The following RPLP1 variants were observed in gnomAD, a reference collection of about 807,000 sequenced individuals.
RPLP1 encodes the protein ribosomal protein lateral stalk subunit P1.
A neutral mutation model predicts 11.6 loss-of-function variants in RPLP1; 4 were observed. The observed-to-expected ratio is 0.34, with a 90% CI of 0.17 to 0.79. The LOEUF is 0.79. RPLP1 is among the 30% of genes least tolerant of loss of function. The pLI, the probability that RPLP1 is intolerant of heterozygous loss-of-function variation, is 0.55. For missense variants in RPLP1, 133 were observed against 142.8 expected, an observed-to-expected ratio of 0.93 and a Z score of 0.35; for synonymous variants, 54 against 52.2, an observed-to-expected ratio of 1.03 and a Z score of -0.15.
At chr15:69,453,759 G>C (rs1304773942) in intron 2 of RPLP1, 38 bp downstream of exon 2, 4 of 1,609,464 alleles carry the variant, frequency 2.5e-6, no homozygotes, top group Non-Finnish European at 3.4e-6. Context: ...GGTAAGGCCT[G>C]CTGATTTACG....
chr15:69,453,583 T>C (rs1269124739), intron 1 of RPLP1, 64 bp from the exon 2 acceptor site: 15 of 1,514,794 alleles, frequency 9.9e-6, no homozygotes, highest in Non-Finnish European at 1.4e-5. Context: ...TTGAGTGACG[T>C]GCAGCATTTT....
chr15:69,455,215 G>T lies in RPLP1; in HGVS notation c.193G>T (p.Ala65Ser). 6.2e-7 allele frequency: 1 copy of T among 1,607,272 alleles called. No individual in the cohort carries two copies. Among genetic ancestry groups the T allele is most frequent in the Non-Finnish European group, 8.5e-7 (1 of 1,177,106 alleles). The stretch of plus-strand genomic sequence containing the variant: ...TGGGAGCCTCATCTGCAATGTAGGG[G>T]CCGGTGGACCTGCTCCAGCAGCTGG... ...NIGSLICNVG[A>S]GGPAPAAGAA... Residue 65 changes from alanine to serine, a missense_variant, in exon 3 of 4, where the codon GCC becomes TCC. Transcript: ENST00000260379.
rs530953244 is a variant in RPLP1 at position 69,452,890 on chromosome 15, C to T, written c.-59C>T. On this transcript the variant is annotated 5_prime_UTR_variant, in exon 1 of 4. Coordinates refer to ENST00000260379, the MANE Select transcript of RPLP1 (RefSeq NM_001003.3). ...TAAGGCTGCGTTGGGGTGAGGCCCT[C>T]ACTTCATCCGGCGACTAGCACCGCG... is the stretch of plus-strand genomic sequence containing the variant. The T allele has an allele frequency of 2.8e-3, 4,120 of 1,477,876 alleles. 9 individuals are homozygous for T. Among genetic ancestry groups the T allele is most frequent in the Non-Finnish European group, 3.2e-3 (3,497 of 1,086,858 alleles). 91.5% of individuals were successfully genotyped at this position (1,477,876 alleles called of 1,614,324 possible).
chr15:69,453,113 C>A, intron 1 of RPLP1, 93 bp downstream of exon 1: 1 of 1,191,498 alleles, frequency 8.4e-7, no homozygotes, highest in South Asian at 1.3e-5. Flanking sequence ...TTCGACTGAG[C>A]ACTTCCGGCC....
Position 69,455,954 on chromosome 15 carries a change from C to CTT in RPLP1, c.*448_*449dup, listed in dbSNP as rs2140436951. 6.5e-6 allele frequency: 1 copy of CTT among 154,938 alleles called. No homozygotes were observed. The highest frequency in any genetic ancestry group is 2.0e-4 in the South Asian group (1 of 4,950). 9.6% of individuals were successfully genotyped at this position (154,938 alleles called of 1,614,324 possible). Reference sequence around the variant, plus strand: ...ATCCCAAGGTTGTAAAAAAACAAGACTTAGCTATGTAATGTCTCACCAAAT... The same window carrying CTT: ...ATCCCAAGGTTGTAAAAAAACAAGACTTTTAGCTATGTAATGTCTCACCAAAT... On this transcript the variant is annotated 3_prime_UTR_variant, in exon 4 of 4. Coordinates refer to ENST00000260379, the MANE Select transcript of RPLP1 (RefSeq NM_001003.3).
intron 1 of RPLP1, 112 bp downstream of exon 1, chr15:69,453,132 G>C: frequency 9.7e-7 from 1 of 1,028,144 alleles, no homozygotes. Context: ...CCGGGGCCAG[G>C]CCGCGAACAC....
Position 69,453,001 on chromosome 15 carries a change from A to G in RPLP1, c.53A>G (p.Asp18Gly). 6.3e-7 allele frequency: 1 copy of G among 1,574,846 alleles called. No individual in the cohort carries two copies. Among genetic ancestry groups the G allele is most frequent in the Non-Finnish European group, 8.6e-7 (1 of 1,162,612 alleles). ...ATCTACTCGGCCCTCATTCTGCACG[A>G]CGATGAGGTGACAGTCACGGTGAGT... ...ACIYSALILH[D>G]DEVTVTEDKI... The change falls in exon 1 of 4, where the codon GAC becomes GGC. Residue 18 changes from aspartate to glycine, a missense_variant. Asp to Gly is a moderately conservative substitution (Grantham distance 94, BLOSUM62 -1). Coordinates refer to ENST00000260379, the MANE Select transcript of RPLP1 (RefSeq NM_001003.3).
In RPLP1 at chr15:69,455,214, G is replaced by A. The variant is rs1427001301; in HGVS notation, c.192G>A (p.Gly64=). Residue 64 remains glycine, a synonymous_variant, in exon 3 of 4, where the codon GGG becomes GGA. Coordinates refer to ENST00000260379, the MANE Select transcript of RPLP1 (RefSeq NM_001003.3). The part of the protein sequence containing the change: ...VNIGSLICNV[G]AGGPAPAAGA... ...TTGGGAGCCTCATCTGCAATGTAGG[G>A]GCCGGTGGACCTGCTCCAGCAGCTG... The A allele has an allele frequency of 2.5e-6, 4 of 1,607,146 alleles. No homozygotes were observed. Among genetic ancestry groups the A allele is most frequent in the African/African-American group, 1.3e-5 (1 of 74,656 alleles).
chr15:69,455,272 ACTG>A lies in RPLP1; in HGVS notation c.259_261del (p.Ala87del). ...ACCAGCAGGAGGTCCTGCCCCCTCCACTGCTGCTGCTCCAGGTAGGAAACATGG... is the reference window on the plus strand; with the variant it reads ...ACCAGCAGGAGGTCCTGCCCCCTCCACTGCTGCTCCAGGTAGGAAACATGG... On this transcript the variant is annotated inframe_deletion, in exon 3 of 4. Transcript: ENST00000260379. The A allele has an allele frequency of 6.4e-7, 1 of 1,562,374 alleles. No homozygotes were observed. The highest frequency in any genetic ancestry group is 8.6e-7 in the Non-Finnish European group (1 of 1,157,968).
At chr15:69,455,339 A>G in intron 3 of RPLP1, 52 bp downstream of exon 3, 2 of 1,532,970 alleles carry the variant, frequency 1.3e-6, no homozygotes, top group Non-Finnish European at 8.8e-7. Flanking sequence ...ATTTTTTAAA[A>G]AATAGTATTA....
chr15:69,453,259 G>C, intron 1 of RPLP1: 1 of 583,918 alleles, frequency 1.7e-6, no homozygotes, highest in Non-Finnish European at 3.0e-6. Flanking sequence ...TGGGCGCTCC[G>C]GCTCCAAGAG....
chr15:69,452,851 C>G lies in RPLP1; in HGVS notation c.-98C>G, dbSNP rs1892366617. Reference sequence around the variant, plus strand: ...CTCAGCTGCCGCCAAGGTGCTCGGTCCTTCCGAGGAAGCTAAGGCTGCGTT... The same window carrying G: ...CTCAGCTGCCGCCAAGGTGCTCGGTGCTTCCGAGGAAGCTAAGGCTGCGTT... On this transcript the variant is annotated 5_prime_UTR_variant, in exon 1 of 4. Coordinates refer to ENST00000260379, the MANE Select transcript of RPLP1 (RefSeq NM_001003.3). The G allele has an allele frequency of 1.4e-5, 16 of 1,146,384 alleles. No homozygotes were observed. Among genetic ancestry groups the G allele is most frequent in the Non-Finnish European group, 2.0e-5 (16 of 791,376 alleles). 71.0% of individuals were successfully genotyped at this position (1,146,384 alleles called of 1,614,324 possible).
Position 69,452,967 on chromosome 15 carries a change from C to G in RPLP1, c.19C>G (p.Leu7Val), listed in dbSNP as rs944020744. 2 of 1,580,834 alleles carry G rather than the reference C, an allele frequency of 1.3e-6. No individual in the cohort carries two copies. Among genetic ancestry groups the G allele is most frequent in the Non-Finnish European group, 1.7e-6 (2 of 1,165,618 alleles). The stretch of plus-strand genomic sequence containing the variant: ...CCGCGCCATGGCCTCTGTCTCCGAG[C>G]TCGCCTGCATCTACTCGGCCCTCAT... The part of the protein sequence containing the change: MASVSE[L>V]ACIYSALILH... The change falls in exon 1 of 4, where the codon CTC (leucine) becomes GTC (valine). Residue 7 changes from leucine (L) to valine (V), a missense_variant. Coordinates refer to ENST00000260379, the MANE Select transcript of RPLP1 (RefSeq NM_001003.3).
intron 3 of RPLP1, 42 bp downstream of exon 3, chr15:69,455,329 A>T (rs1892419401): frequency 3.9e-6 from 6 of 1,538,242 alleles, no homozygotes; most frequent in African/African-American, 1.4e-5. Flanking sequence ...GAGTGTAGAG[A>T]TTTTTTAAAA....
Position 69,455,365 on chromosome 15 carries a change from T to C in RPLP1, c.266-63T>C, listed in dbSNP as rs1314614879. On this transcript the variant is annotated intron_variant, in intron 3 of 3. Transcript: ENST00000260379. ...AATAGTATTATAGACAAAATTGCCA[T>C]TAATTTTTCACAAGTATATGAAGTA... 60 of 1,550,432 alleles carry C rather than the reference T, an allele frequency of 3.9e-5. 1 individual carries two copies. The highest frequency in any genetic ancestry group is 4.0e-5 in the Non-Finnish European group (46 of 1,149,544).
intron 1 of RPLP1, 35 bp from the exon 2 acceptor site, chr15:69,453,612 A>G (rs1336037952): frequency 6.2e-7 from 1 of 1,607,500 alleles, no homozygotes; most frequent in Admixed American, 1.7e-5. Context: ...TACATACGCT[A>G]CGTTTTGATG....
At chr15:69,453,475 C>A in intron 1 of RPLP1, 172 bp from the exon 2 acceptor site, 1 of 688,514 alleles carries the variant, frequency 1.5e-6, no homozygotes, top group Non-Finnish European at 2.5e-6. Flanking sequence ...GCCCGTGAAA[C>A]AGCAGTGATG....
rs774274098 is a variant in RPLP1, at chr15:69,455,488, G to A, written c.326G>A (p.Gly109Asp). Residue 109 changes from glycine to aspartate, a missense_variant, in exon 4 of 4, where the codon GGC (glycine) becomes GAC (aspartate). Coordinates refer to ENST00000260379, the MANE Select transcript of RPLP1 (RefSeq NM_001003.3). ...TCCGAGGAGTCTGATGATGACATGG[G>A]CTTTGGTCTTTTTGACTAAACCTCT... ...EESEESDDDM[G>D]FGLFD The A allele has an allele frequency of 1.2e-6, 2 of 1,608,764 alleles. No individual in the cohort carries two copies.
chr15:69,453,222 C>G (rs971756908), intron 1 of RPLP1: 1 of 602,604 alleles, frequency 1.7e-6, no homozygotes, highest in Non-Finnish European at 2.9e-6. Context: ...ACGTGCGGGC[C>G]CAGCGGGCAT....
Sources: gnomAD v4.1 joint callset for allele counts on GRCh38, gnomAD v4.1.1 for gene constraint, MANE v1.5 for transcripts, NCBI Gene and HGNC (gene_info 2026-07-23, HGNC 2026-07-21) for gene names.